The following GRIK2 variants were observed in gnomAD, a reference collection of about 807,000 sequenced individuals.
GRIK2 encodes the protein glutamate receptor ionotropic, kainate 2.
Under a neutral mutation model 100.3 loss-of-function variants are expected in GRIK2, and 32 were observed. That is an observed-to-expected ratio of 0.32 (90% CI 0.24 to 0.43). The LOEUF (loss-of-function observed/expected upper bound fraction) is 0.43. GRIK2 is among the 20% of genes least tolerant of loss of function. The pLI is 1.00. For synonymous variants in GRIK2, 417 were observed against 389.4 expected (o/e 1.07, Z -0.83); for missense variants, 843 against 1,114.9 (o/e 0.76, Z 3.47).
chr6:102,054,493 T>C (rs1044842995), intron 15 of GRIK2, among the ~76,000 whole-genome samples: 3 of 152,070 alleles, frequency 2.0e-5, no homozygotes, highest in African/African-American at 4.8e-5. Flanking sequence ...GGAACAGATA[T>C]AGAAAAATGC....
chr6:101,396,096 A>G (rs1582351224), intron 1 of GRIK2, among the ~76,000 whole-genome samples: 1 of 152,208 alleles, frequency 6.6e-6, no homozygotes, highest in African/African-American at 2.4e-5. Flanking sequence ...TAAGGAATTT[A>G]TTAATCCTTC....
At chr6:101,722,778 A>G (rs1215730143) in intron 7 of GRIK2, among the ~76,000 whole-genome samples, 2 of 152,096 alleles carry the variant, frequency 1.3e-5, no homozygotes, top group Non-Finnish European at 2.9e-5. Context: ...GTCTAAGGAA[A>G]TATGTAAGAT....
Position 101,581,583 on chromosome 6 carries a change from A to G in GRIK2, c.116-40366A>G, listed in dbSNP as rs1358126615. Among the ~76,000 whole-genome samples, 3 of 152,130 alleles carry G rather than the reference A, an allele frequency of 2.0e-5. No homozygotes were observed. In the East Asian group the frequency reaches 5.8e-4, roughly 29 times the overall value. ...TCAATGAATGTTTGTTGAATGGTTGAATTAATATATTCTGTGAGAATTTAC... is the reference window on the plus strand; with the variant it reads ...TCAATGAATGTTTGTTGAATGGTTGGATTAATATATTCTGTGAGAATTTAC... On this transcript the variant is annotated intron_variant, in intron 2 of 16. Transcript: ENST00000369134.
chr6:101,574,325 GA>G (rs1777695448), intron 2 of GRIK2, among the ~76,000 whole-genome samples: 1 of 145,840 alleles, frequency 6.9e-6, no homozygotes, highest in African/African-American at 2.5e-5. Flanking sequence ...AATATATTAT[GA>G]ATATATGATA....
At chr6:101,444,840 A>AGCATATC (rs1562142512) in intron 2 of GRIK2, among the ~76,000 whole-genome samples, 5 of 152,060 alleles carry the variant, frequency 3.3e-5, no homozygotes, top group African/African-American at 1.2e-4. Context: ...ATCAGCATAT[A>AGCATATC]CCTCTGTTTT....
chr6:101,562,086 G>C (rs1030271674), intron 2 of GRIK2, among the ~76,000 whole-genome samples: 3 of 152,112 alleles, frequency 2.0e-5, no homozygotes, highest in Non-Finnish European at 4.4e-5. Context: ...CTTTATGCCT[G>C]TCCTTATTTT....
intron 14 of GRIK2, among the ~76,000 whole-genome samples, chr6:102,013,678 A>G (rs66829771): frequency 0.28 from 42,044 of 152,020 alleles, 6,233 homozygotes; most frequent in East Asian, 0.34. Flanking sequence ...TTCTGCATCT[A>G]TTAAGATAAT....
At chr6:101,928,165 T>A (rs538460946) in intron 13 of GRIK2, 2 of 467,390 alleles carry the variant, frequency 4.3e-6, no homozygotes, top group South Asian at 6.8e-5. Context: ...AATTGGAACT[T>A]TGCATCATCT....
rs562963932 is a variant in GRIK2, at chr6:101,903,615, G to A, written c.1748+13752G>A. Among the ~76,000 whole-genome samples, 18 of 151,582 alleles carry A rather than the reference G, an allele frequency of 1.2e-4. No homozygotes were observed. The South Asian group carries it at 2.5e-3, about 21-fold the overall frequency. ...TATATTGTTGAAATTCAAATTTGCC[G>A]AACTAGTTTTGTGTAAGAAACATGA... is the stretch of plus-strand genomic sequence containing the variant. On this transcript the variant is annotated intron_variant, in intron 12 of 16. Transcript: ENST00000369134.
intron 2 of GRIK2, among the ~76,000 whole-genome samples, chr6:101,415,984 AG>A (rs1453912213): frequency 6.6e-6 from 1 of 151,690 alleles, no homozygotes. Context: ...AATAAGTGCT[AG>A]CATAACCAGT....
intron 14 of GRIK2, among the ~76,000 whole-genome samples, chr6:101,935,005 T>C (rs1790529337): frequency 6.6e-6 from 1 of 152,038 alleles, no homozygotes; most frequent in African/African-American, 2.4e-5. Context: ...TTTAAATGTT[T>C]TTCATATTTT....
chr6:101,770,172 G>T (rs9399728), intron 7 of GRIK2, among the ~76,000 whole-genome samples: 7 of 152,066 alleles, frequency 4.6e-5, no homozygotes, highest in South Asian at 2.1e-4. Context: ...TTACTGCCTT[G>T]TTTTTTCTGA....
At chr6:101,446,922 C>T (rs940326404) in intron 2 of GRIK2, among the ~76,000 whole-genome samples, 9 of 146,498 alleles carry the variant, frequency 6.1e-5, no homozygotes, top group Middle Eastern at 3.6e-3. Context: ...ATACTTTGTA[C>T]GTGTATATAT....
intron 2 of GRIK2, among the ~76,000 whole-genome samples, chr6:101,409,907 G>C (rs1165562006): frequency 1.3e-5 from 2 of 151,898 alleles, no homozygotes; most frequent in African/African-American, 4.8e-5. Context: ...AAGAAAATCA[G>C]CTTTTCTAAA....
chr6:101,885,231 C>A (rs889415174), intron 11 of GRIK2, among the ~76,000 whole-genome samples: 2 of 151,958 alleles, frequency 1.3e-5, no homozygotes, highest in Admixed American at 1.3e-4. Flanking sequence ...TATACAAATT[C>A]ACTGAAGAGA....
At chr6:101,736,537 C>T (rs1173272145) in intron 7 of GRIK2, among the ~76,000 whole-genome samples, 1 of 152,198 alleles carries the variant, frequency 6.6e-6, no homozygotes, top group Non-Finnish European at 1.5e-5. Context: ...GGGGCTTGCA[C>T]CCTCTGAAGC....
chr6:101,979,705 C>T (rs181615348), intron 14 of GRIK2, among the ~76,000 whole-genome samples: 1 of 151,926 alleles, frequency 6.6e-6, no homozygotes, highest in African/African-American at 2.4e-5. Context: ...TGCACACCCC[C>T]TTCATCTTGG....
intron 2 of GRIK2, among the ~76,000 whole-genome samples, chr6:101,572,811 GTTTA>G (rs202049889): frequency 0.036 from 3,887 of 106,958 alleles, 183 homozygotes; most frequent in African/African-American, 0.1. Context: ...TGTTATTGTT[GTTTA>G]TTATTTATTT....
intron 14 of GRIK2, among the ~76,000 whole-genome samples, chr6:101,935,884 T>C (rs954956472): frequency 2.0e-5 from 3 of 152,052 alleles, no homozygotes; most frequent in African/African-American, 7.2e-5. Flanking sequence ...TCCTCAAACA[T>C]GACATACTGT....
Sources: gnomAD v4.1 joint callset for allele counts (sites outside exome capture counted in the v4.1 genomes callset) on GRCh38, gnomAD v4.1.1 for gene constraint, MANE v1.5 for transcripts, NCBI Gene and HGNC (gene_info 2026-07-23, HGNC 2026-07-21) for gene names.